The following PHLDB2 variants were observed in gnomAD, a reference collection of about 807,000 sequenced individuals.
The protein encoded by PHLDB2 is pleckstrin homology-like domain family B member 2.
Under a neutral mutation model 123.6 loss-of-function variants are expected in PHLDB2, and 71 were observed. The observed-to-expected ratio is 0.57, with a 90% CI of 0.47 to 0.70. PHLDB2 has a LOEUF of 0.70. PHLDB2 is among the 30% of genes least tolerant of loss of function. PHLDB2 has a pLI of 0.00. For missense variants in PHLDB2, 1,446 were observed against 1,519.5 expected, an observed-to-expected ratio of 0.95 and a Z score of 0.80; for synonymous variants, 547 against 541.6, an observed-to-expected ratio of 1.01 and a Z score of -0.14.
intron 2 of PHLDB2, among the ~76,000 whole-genome samples, chr3:111,894,510 A>G (rs2066703772): frequency 6.6e-6 from 1 of 151,892 alleles, no homozygotes; most frequent in Non-Finnish European, 1.5e-5. Flanking sequence ...TGGTTGAACT[A>G]GTTTACACTC....
At chr3:111,847,711 G>A (rs944560651) in intron 2 of PHLDB2, among the ~76,000 whole-genome samples, 1 of 152,030 alleles carries the variant, frequency 6.6e-6, no homozygotes, top group African/African-American at 2.4e-5. Context: ...TGTCCCTTTA[G>A]CCCTGGGCCT....
Position 111,884,453 on chromosome 3 carries a change from G to A in PHLDB2, c.376G>A (p.Ala126Thr), listed in dbSNP as rs2066075530. ...CCTCAGTGGATATCCACTTGGAAGA[G>A]CAGACTTTGATCATTATACTGGCCG... ...SSLSGYPLGR[A>T]DFDHYTGRDS... The change falls in exon 2 of 18, where the codon GCA (alanine) becomes ACA (threonine). Residue 126 changes from alanine to threonine, a missense_variant. Physicochemically the swap from Ala to Thr is moderately conservative, Grantham distance 58. Around this residue, in one of 3 missense-constraint regions of PHLDB2, gnomAD observed 832 missense variants for 831.9 expected, o/e 1.00. Transcript: ENST00000431670. The A allele has an allele frequency of 6.2e-7, 1 of 1,614,190 alleles. No individual in the cohort carries two copies. Among genetic ancestry groups the A allele is most frequent in the African/African-American group, 1.3e-5 (1 of 75,048 alleles).
At position 111,746,543 on chromosome 3, in the gene PHLDB2, G is replaced by A. The variant is rs146854703; in HGVS notation, c.-49+13840G>A. Among the ~76,000 whole-genome samples, 142 of 152,228 alleles carry A rather than the reference G, an allele frequency of 9.3e-4. 1 individual carries two copies. Among genetic ancestry groups the A allele is most frequent in the African/African-American group, 3.3e-3 (137 of 41,536 alleles). On this transcript the variant is annotated intron_variant, in intron 1 of 17. Transcript: ENST00000393923. ...TTTGGGAGGCCAAGTCCAGAGGATC[G>A]CTTGAAGCCAAGGGTTTAAGACCAA... is the stretch of plus-strand genomic sequence containing the variant.
intron 1 of PHLDB2, among the ~76,000 whole-genome samples, chr3:111,845,354 CAAAAAAAA>C (rs745585464): frequency 2.6e-5 from 1 of 39,160 alleles, no homozygotes; most frequent in African/African-American, 1.2e-4. Flanking sequence ...GACTCTGTCT[CAAAAAAAA>C]AAAAAAAAAA....
intron 1 of PHLDB2, among the ~76,000 whole-genome samples, chr3:111,771,987 T>C (rs1046216883): frequency 2.0e-5 from 3 of 152,232 alleles, no homozygotes; most frequent in African/African-American, 7.2e-5. Flanking sequence ...AGTTCAATTT[T>C]TTCTTGTTAG....
chr3:111,898,338 C>T (rs1286726710), intron 2 of PHLDB2, among the ~76,000 whole-genome samples: 4 of 152,054 alleles, frequency 2.6e-5, no homozygotes, highest in African/African-American at 9.7e-5. Flanking sequence ...CCAGCCACCA[C>T]ACCCAGCTAT....
intron 1 of PHLDB2, among the ~76,000 whole-genome samples, chr3:111,768,581 G>C (rs543448516): frequency 6.6e-6 from 1 of 152,088 alleles, no homozygotes; most frequent in African/African-American, 2.4e-5. Context: ...GGGGAGCTCC[G>C]GAGAGCTGTA....
At chr3:111,779,340 T>C (rs2060326201) in intron 1 of PHLDB2, among the ~76,000 whole-genome samples, 1 of 152,020 alleles carries the variant, frequency 6.6e-6, no homozygotes, top group Non-Finnish European at 1.5e-5. Context: ...TGGGGTATGA[T>C]TGAACCTGTC....
rs2107332032 is a variant in PHLDB2, at chr3:111,884,206, C to T, written c.129C>T (p.Tyr43=). ...TGGAGAGCCTCAGCCCAAAGAAATA[C>T]TCTTCCAGTCTGAGATTTAAAGCCA... ...NMMESLSPKK[Y]SSSLRFKANG... is the part of the protein sequence containing the mutation. Residue 43 remains tyrosine (Y), a synonymous_variant, in exon 2 of 18, where the codon TAC becomes TAT. Coordinates refer to ENST00000431670, the MANE Select transcript of PHLDB2 (RefSeq NM_001134438.2). The T allele has an allele frequency of 6.2e-7, 1 of 1,614,200 alleles. No individual in the cohort carries two copies. Among genetic ancestry groups the T allele is most frequent in the Non-Finnish European group, 8.5e-7 (1 of 1,180,024 alleles).
chr3:111,966,753 G>A, intron 14 of PHLDB2, 50 bp downstream of exon 14: 2 of 1,466,422 alleles, frequency 1.4e-6, no homozygotes, highest in Non-Finnish European at 1.9e-6. Context: ...TGGTGCAGGA[G>A]CCCTGCGCTT....
In PHLDB2 at chr3:111,885,259, T is replaced by G; in HGVS notation, c.1182T>G (p.Asp394Glu). Residue 394 changes from aspartate (D) to glutamate (E), a missense_variant, in exon 2 of 18, where the codon GAT (aspartate) becomes GAG (glutamate). Physicochemically the swap from Asp to Glu is conservative, Grantham distance 45 (BLOSUM62 2). Around this residue, in one of 3 missense-constraint regions of PHLDB2, gnomAD observed 832 missense variants for 831.9 expected, o/e 1.00. Transcript: ENST00000431670. ...SCGSVEFDEA[D>E]LESLRQASGT... is the part of the protein sequence containing the mutation. ...GATCTGTGGAATTTGATGAGGCAGATTTGGAAAGCCTCAGACAGGCCTCAG... is the reference window on the plus strand; with the variant it reads ...GATCTGTGGAATTTGATGAGGCAGAGTTGGAAAGCCTCAGACAGGCCTCAG... 1 of 1,614,086 alleles carries G rather than the reference T, an allele frequency of 6.2e-7. No individual in the cohort carries two copies. Among genetic ancestry groups the G allele is most frequent in the Non-Finnish European group, 8.5e-7 (1 of 1,180,016 alleles).
chr3:111,909,415 G>A (rs1278637528), intron 2 of PHLDB2, among the ~76,000 whole-genome samples: 1 of 152,072 alleles, frequency 6.6e-6, no homozygotes, highest in African/African-American at 2.4e-5. Context: ...GTGCAACATA[G>A]CAAGATGCCA....
intron 1 of PHLDB2, among the ~76,000 whole-genome samples, chr3:111,807,990 G>A (rs2061671674): frequency 7.2e-6 from 1 of 138,596 alleles, no homozygotes; most frequent in Non-Finnish European, 1.5e-5. Context: ...TGACTCAATA[G>A]TTCTCAGGCC....
chr3:111,733,397 A>G (rs1941569956), intron 1 of PHLDB2, among the ~76,000 whole-genome samples: 1 of 152,236 alleles, frequency 6.6e-6, no homozygotes, highest in Non-Finnish European at 1.5e-5. Context: ...TGGGCAACAC[A>G]GAAGAAATGC....
intron 1 of PHLDB2, among the ~76,000 whole-genome samples, chr3:111,789,332 G>A (rs1016547175): frequency 5.9e-5 from 9 of 152,150 alleles, no homozygotes; most frequent in African/African-American, 1.9e-4. Flanking sequence ...TGGGAACTAC[G>A]TAGTCATTTG....
chr3:111,850,409 C>T (rs555953957), intron 2 of PHLDB2, among the ~76,000 whole-genome samples: 4 of 152,134 alleles, frequency 2.6e-5, no homozygotes, highest in East Asian at 3.9e-4. Flanking sequence ...ATAATTCATT[C>T]GTGTAATAAA....
At chr3:111,942,900 G>A (rs952557874) in intron 8 of PHLDB2, among the ~76,000 whole-genome samples, 1 of 151,676 alleles carries the variant, frequency 6.6e-6, no homozygotes, top group African/African-American at 2.4e-5. Flanking sequence ...AAACACACAT[G>A]AAACAAAGTT....
intron 3 of PHLDB2, chr3:111,914,322 G>A (rs1559900799): frequency 6.6e-6 from 1 of 151,386 alleles, no homozygotes; most frequent in Non-Finnish European, 1.5e-5. Flanking sequence ...TGGAATTGCT[G>A]GGTCAAAGAG....
intron 1 of PHLDB2, among the ~76,000 whole-genome samples, chr3:111,873,449 G>A (rs377026021): frequency 8.5e-5 from 13 of 152,244 alleles, no homozygotes; most frequent in African/African-American, 3.1e-4. Context: ...AAACAGGTTC[G>A]AGTATATTAA....
Sources: gnomAD v4.1 joint callset for allele counts (sites outside exome capture counted in the v4.1 genomes callset) on GRCh38, gnomAD v4.1.1 for gene constraint, gnomAD v4.1.1 regional missense constraint, MANE v1.5 for transcripts, NCBI Gene and HGNC (gene_info 2026-07-23, HGNC 2026-07-21) for gene names.